EPC2: variants seen among roughly 807,000 people sequenced by gnomAD.
The protein encoded by EPC2 is enhancer of polycomb homolog 2.
EPC2 carries 14 observed loss-of-function variants against 92.1 expected under a neutral mutation model. The ratio of observed to expected loss-of-function variants is 0.15; its 90% CI spans 0.10 to 0.24. The LOEUF (loss-of-function observed/expected upper bound fraction) is 0.24. EPC2 is among the 10% of genes least tolerant of loss of function. The probability of loss-of-function intolerance (pLI) is 1.00; values close to 1 mark genes in which losing one functional copy is unlikely to be tolerated. For synonymous variants in EPC2, 340 were observed against 334.7 expected (o/e 1.02, Z -0.17); for missense variants, 755 against 971.5 (o/e 0.78, Z 2.96).
intron 2 of EPC2, among the ~76,000 whole-genome samples, chr2:148,690,908 C>T (rs893020023): frequency 1.3e-5 from 2 of 152,148 alleles, no homozygotes; most frequent in Non-Finnish European, 1.5e-5. Context: ...GTTGATCCAC[C>T]CACCTCGGCC....
At position 148,786,540 on chromosome 2, in the gene EPC2, T is replaced by C. The variant is rs1006082280; in HGVS notation, c.*163T>C. On this transcript the variant is annotated 3_prime_UTR_variant, in exon 14 of 14. Transcript: ENST00000258484. ...CATATATGATGTATATTTTGTAAAA[T>C]TGGGAAAATCACTACCTTGTAAAAT... is the stretch of plus-strand genomic sequence containing the variant. 1.3e-4 allele frequency: 64 copies of C among 496,786 alleles called. No individual in the cohort carries two copies. The highest frequency in any genetic ancestry group is 1.9e-4 in the Non-Finnish European group (54 of 277,782). The allele number at this position is 496,786 out of a possible 1,614,324, so 30.8% of individuals were successfully genotyped here. A position where few individuals can be genotyped will look rare whatever the true frequency, so the allele number is the denominator to read the frequency against.
chr2:148,663,592 A>ATTTTTTTTTTTTTTTTTTTTTTTTTT (rs56911412), intron 1 of EPC2, among the ~76,000 whole-genome samples: 1 of 74,350 alleles, frequency 1.3e-5, no homozygotes, highest in African/African-American at 5.6e-5. Flanking sequence ...ATAGATTAAG[A>ATTTTTTTTTTTTTTTTTTTTTTTTTT]TTTTTTTTTT....
intron 1 of EPC2, among the ~76,000 whole-genome samples, chr2:148,680,191 A>T (rs1483815149): frequency 6.7e-6 from 1 of 149,712 alleles, no homozygotes; most frequent in African/African-American, 2.5e-5. Flanking sequence ...CTAAATCCCT[A>T]TTGATCCTAA....
chr2:148,733,484 T>A (rs1260747986), intron 2 of EPC2, among the ~76,000 whole-genome samples: 2 of 63,056 alleles, frequency 3.2e-5, no homozygotes, highest in Non-Finnish European at 5.6e-5. Flanking sequence ...TCTGGATTTT[T>A]TTTTTTTTTT....
At chr2:148,648,988 C>G (rs180786285) in intron 1 of EPC2, among the ~76,000 whole-genome samples, 2 of 152,268 alleles carry the variant, frequency 1.3e-5, no homozygotes, top group East Asian at 3.9e-4. Context: ...GGCACTTGGT[C>G]TAGGTCAAGT....
At chr2:148,703,684 A>G (rs529262255) in intron 2 of EPC2, among the ~76,000 whole-genome samples, 2 of 152,168 alleles carry the variant, frequency 1.3e-5, no homozygotes, top group South Asian at 2.1e-4. Flanking sequence ...GTGCACCACT[A>G]TGCCTGGCTA....
At chr2:148,726,948 G>C (rs1225603676) in intron 2 of EPC2, among the ~76,000 whole-genome samples, 1 of 151,776 alleles carries the variant, frequency 6.6e-6, no homozygotes, top group Non-Finnish European at 1.5e-5. Context: ...AATGCCATTT[G>C]TCTGTTTTTT....
chr2:148,693,148 A>T lies in EPC2; in HGVS notation c.313+2775A>T, dbSNP rs190596311. ...TTTTTTCCAAGGAAGGTTAAAAAAAATTTTTTTTATGTAACTTTTTGCTAA... is the reference window on the plus strand; with the variant it reads ...TTTTTTCCAAGGAAGGTTAAAAAAATTTTTTTTTATGTAACTTTTTGCTAA... On this transcript the variant is annotated intron_variant, in intron 2 of 13. Coordinates refer to ENST00000258484, the MANE Select transcript of EPC2 (RefSeq NM_015630.4). 2.6e-3 allele frequency among the ~76,000 whole-genome samples: 392 copies of T among 152,176 alleles called. 9 individuals carry two copies. In the East Asian group the frequency reaches 0.057, roughly 22 times the overall value.
At chr2:148,650,552 T>C (rs1680660727) in intron 1 of EPC2, among the ~76,000 whole-genome samples, 1 of 152,170 alleles carries the variant, frequency 6.6e-6, no homozygotes, top group Non-Finnish European at 1.5e-5. Context: ...ATGAATCATG[T>C]GATTCACCTT....
chr2:148,717,669 G>T (rs990286077), intron 2 of EPC2, among the ~76,000 whole-genome samples: 3 of 152,116 alleles, frequency 2.0e-5, no homozygotes, highest in African/African-American at 7.2e-5. Flanking sequence ...CCAATTATGT[G>T]ATCAATTTTA....
intron 2 of EPC2, among the ~76,000 whole-genome samples, chr2:148,707,227 A>T (rs775526376): frequency 6.6e-6 from 1 of 152,234 alleles, no homozygotes. Flanking sequence ...ACTTCATACC[A>T]ACAAAGATCA....
At chr2:148,759,274 G>A (rs1683253857) in intron 4 of EPC2, among the ~76,000 whole-genome samples, 1 of 152,044 alleles carries the variant, frequency 6.6e-6, no homozygotes, top group Non-Finnish European at 1.5e-5. Flanking sequence ...TGTATTTTTA[G>A]TAGAGACAGG....
chr2:148,782,769 C>T (rs1389293753), intron 11 of EPC2, among the ~76,000 whole-genome samples: 4 of 124,214 alleles, frequency 3.2e-5, no homozygotes. Context: ...AATTTTTAAG[C>T]CACTAAAAGC....
At chr2:148,772,711 G>T (rs1365489027) in intron 10 of EPC2, among the ~76,000 whole-genome samples, 1 of 152,198 alleles carries the variant, frequency 6.6e-6, no homozygotes, top group East Asian at 1.9e-4. Context: ...TCATGAGTCT[G>T]TGAAGTTGAA....
At chr2:148,675,463 A>G (rs948433546) in intron 1 of EPC2, among the ~76,000 whole-genome samples, 9 of 152,150 alleles carry the variant, frequency 5.9e-5, no homozygotes, top group African/African-American at 2.2e-4. Context: ...AGATAATTGA[A>G]TAGATTTATT....
At position 148,783,750 on chromosome 2, in the gene EPC2, C is replaced by G; in HGVS notation, c.2011C>G (p.Pro671Ala). Reference protein sequence around the residue: ...GHNNINGVVQPSGTSKTLYST... With the variant: ...GHNNINGVVQASGTSKTLYST... The stretch of plus-strand genomic sequence containing the variant: ...CAACAACATAAACGGTGTTGTCCAG[C>G]CTTCAGGTACAGCTGGGGTTTCACA... The change falls in exon 12 of 14, where the codon CCT becomes GCT. Residue 671 changes from proline to alanine, a missense_variant. By Grantham distance (27) the Pro-to-Ala change is conservative. Transcript: ENST00000258484. The G allele has an allele frequency of 6.3e-7, 1 of 1,589,468 alleles. No individual in the cohort carries two copies. Among genetic ancestry groups the G allele is most frequent in the Non-Finnish European group, 8.6e-7 (1 of 1,166,862 alleles).
chr2:148,671,558 G>C (rs374306310), intron 1 of EPC2, among the ~76,000 whole-genome samples: 10 of 152,136 alleles, frequency 6.6e-5, no homozygotes, highest in African/African-American at 2.2e-4. Flanking sequence ...GGGTTTCAGC[G>C]AGCTGAGATT....
At chr2:148,666,749 T>G (rs1681063441) in intron 1 of EPC2, among the ~76,000 whole-genome samples, 1 of 152,168 alleles carries the variant, frequency 6.6e-6, no homozygotes, top group South Asian at 2.1e-4. Flanking sequence ...AGTTGTCTGG[T>G]TCCATCCCAG....
chr2:148,770,969 T>C, intron 9 of EPC2, 32 bp downstream of exon 9: 3 of 1,602,324 alleles, frequency 1.9e-6, no homozygotes, highest in Non-Finnish European at 2.6e-6. Context: ...GGTTTTTGTT[T>C]GCTATCTGGA....
Sources: allele counts gnomAD v4.1 joint callset (sites outside exome capture counted in the v4.1 genomes callset), GRCh38; gene constraint gnomAD v4.1.1; transcripts MANE v1.5; gene names NCBI Gene and HGNC (gene_info 2026-07-23, HGNC 2026-07-21).